CORO7: variants seen among roughly 807,000 people sequenced by gnomAD.
CORO7 encodes coronin 7.
In CORO7, 107 loss-of-function variants were observed where a neutral mutation model predicts 126.6. The ratio of observed to expected loss-of-function variants is 0.85; its 90% confidence interval spans 0.72 to 0.99. The LOEUF is 0.99. CORO7 is among the 50% of genes least tolerant of loss of function. The pLI, the probability that CORO7 is intolerant of heterozygous loss-of-function variation, is 0.00. For synonymous variants in CORO7, 603 were observed against 536.8 expected (o/e 1.12, Z -1.70); for missense variants, 1,314 against 1,255.8 (o/e 1.05, Z -0.70).
At chr16:4,388,868 AC>A (rs2055289277) in intron 7 of CORO7, among the ~76,000 whole-genome samples, 1 of 152,134 alleles carries the variant, frequency 6.6e-6, no homozygotes, top group African/African-American at 2.4e-5. Context: ...CCAGAGGCCA[AC>A]CTGGCTGCTC....
At chr16:4,371,891 C>T (rs1212082892) in intron 9 of CORO7, 1 of 152,120 alleles carries the variant, frequency 6.6e-6, no homozygotes, top group Non-Finnish European at 1.5e-5. Context: ...CGGACTCGAA[C>T]GCAGTTGCTT....
At chr16:4,360,883 TCTCCACACTGCTGGCC>T (rs2054154951) in intron 19 of CORO7, 44 bp downstream of exon 19, 3 of 340,074 alleles carry the variant, frequency 8.8e-6, no homozygotes, top group Non-Finnish European at 1.4e-5. Flanking sequence ...TGGCCCCACC[TCTCCACACTGCTGGCC>T]CCGCCTCTCC....
chr16:4,397,915 T>C (rs977939503), intron 6 of CORO7, among the ~76,000 whole-genome samples: 1 of 151,780 alleles, frequency 6.6e-6, no homozygotes, highest in Non-Finnish European at 1.5e-5. Flanking sequence ...GTGCCTAGCC[T>C]TTTTTGTTTG....
intron 9 of CORO7, among the ~76,000 whole-genome samples, chr16:4,376,299 G>A (rs931481576): frequency 3.9e-5 from 6 of 152,336 alleles, no homozygotes; most frequent in African/African-American, 1.2e-4. Flanking sequence ...CCTGGCCGCC[G>A]GCACAGTCCC....
At chr16:4,413,163 TG>T in intron 2 of CORO7, 144 bp downstream of exon 2, 1 of 766,564 alleles carries the variant, frequency 1.3e-6, no homozygotes, top group Non-Finnish European at 2.1e-6. Context: ...GTCTAAGGTC[TG>T]GCATGGGGCT....
intron 21 of CORO7, 101 bp downstream of exon 21, chr16:4,360,177 G>A (rs2054116744): frequency 2.7e-6 from 4 of 1,466,458 alleles, no homozygotes; most frequent in East Asian, 2.4e-5. Context: ...CCAGTGAGGG[G>A]CAGGAATGGT....
chr16:4,370,215 C>A (rs1216998671), intron 9 of CORO7, among the ~76,000 whole-genome samples: 2 of 152,178 alleles, frequency 1.3e-5, no homozygotes, highest in East Asian at 3.9e-4. Context: ...GGACACAGGG[C>A]CAAGGGAAGA....
intron 7 of CORO7, among the ~76,000 whole-genome samples, chr16:4,388,981 C>T (rs1378004145): frequency 1.3e-5 from 2 of 152,212 alleles, no homozygotes; most frequent in Non-Finnish European, 2.9e-5. Flanking sequence ...ACTTTCTTGC[C>T]CCTAAGAGCT....
At chr16:4,400,507 C>T (rs1338497322) in intron 6 of CORO7, among the ~76,000 whole-genome samples, 2 of 152,180 alleles carry the variant, frequency 1.3e-5, no homozygotes, top group East Asian at 1.9e-4. Context: ...GTGGCACATG[C>T]CTGTAATCCC....
chr16:4,403,908 G>T (rs2055902430), intron 6 of CORO7, among the ~76,000 whole-genome samples: 1 of 152,100 alleles, frequency 6.6e-6, no homozygotes, highest in Non-Finnish European at 1.5e-5. Flanking sequence ...ATCCCTCAAG[G>T]ACCGGCCTCG....
intron 1 of CORO7, 150 bp downstream of exon 1, chr16:4,416,309 C>T (rs1418630356): frequency 3.4e-6 from 4 of 1,175,398 alleles, no homozygotes; most frequent in East Asian, 3.2e-5. Context: ...GCCCGGACGC[C>T]GGGGCCCTGG....
intron 9 of CORO7, among the ~76,000 whole-genome samples, chr16:4,386,824 G>A (rs1224919688): frequency 1.3e-5 from 2 of 152,214 alleles, no homozygotes; most frequent in Admixed American, 1.3e-4. Context: ...CCCCTCCTCT[G>A]GGCGGCTCTC....
chr16:4,355,151 G>T lies in CORO7; in HGVS notation c.*7C>A. On this transcript the variant is annotated 3_prime_UTR_variant, in exon 28 of 28. Coordinates refer to ENST00000251166, the MANE Select transcript of CORO7 (RefSeq NM_024535.5). ...CACAGGTGAGGTGGAGGTGACGGGG[G>T]CGCAGGCTAGTCCTGGGGCGAAACA... The T allele has an allele frequency of 6.6e-7, 1 of 1,511,828 alleles. No homozygotes were observed. The highest frequency in any genetic ancestry group is 1.4e-5 in the African/African-American group (1 of 72,776). 93.7% of individuals were successfully genotyped at this position (1,511,828 alleles called of 1,614,324 possible).
chr16:4,368,632 CA>C (rs2054421227), intron 9 of CORO7, among the ~76,000 whole-genome samples: 1 of 151,564 alleles, frequency 6.6e-6, no homozygotes, highest in African/African-American at 2.4e-5. Flanking sequence ...CCTGGAATCC[CA>C]GCTACTCAGG....
chr16:4,380,888 G>A, intron 9 of CORO7: 2 of 1,535,550 alleles, frequency 1.3e-6, no homozygotes. Context: ...ATGTGCTCCA[G>A]GGTCCCTCTG....
At chr16:4,382,730 G>C (rs1299554326) in intron 9 of CORO7, 5 of 1,553,430 alleles carry the variant, frequency 3.2e-6, no homozygotes, top group Non-Finnish European at 4.3e-6. Context: ...GTGGGGCCAG[G>C]GGCTGGGCCC....
In CORO7 at chr16:4,360,312, C is replaced by A. The variant is rs779985527; in HGVS notation, c.2074G>T (p.Asp692Tyr). The change falls in exon 21 of 28, where the codon GAT becomes TAT. Residue 692 changes from aspartate (D) to tyrosine (Y), a missense_variant. Physicochemically the swap from Asp to Tyr is radical, Grantham distance 160. Coordinates refer to ENST00000251166, the MANE Select transcript of CORO7 (RefSeq NM_024535.5). ...CCAGACACCAGCAGACAGCGACCAT[C>A]ACATACCCAGACAATGCGAGCTCCG... is the stretch of plus-strand genomic sequence containing the variant. Reference protein sequence around the residue: ...GRGARIVWVCDGRCLLVSGFD... With the variant: ...GRGARIVWVCYGRCLLVSGFD... 6.2e-7 allele frequency: 1 copy of A among 1,613,696 alleles called. No individual in the cohort carries two copies. Among genetic ancestry groups the A allele is most frequent in the Non-Finnish European group, 8.5e-7 (1 of 1,180,000 alleles).
chr16:4,412,435 TAAAC>T lies in CORO7; in HGVS notation c.158-9_158-6del, dbSNP rs746478531. The stretch of plus-strand genomic sequence containing the variant: ...GAGGCACAATGCCCAGTACACCTGT[TAAAC>T]AAACACGGGGACTCTGACTTCAGGC... On this transcript the variant is annotated splice_region_variant and splice_polypyrimidine_tract_variant and intron_variant, in intron 2 of 27. Transcript: ENST00000251166. The T allele has an allele frequency of 6.2e-7, 1 of 1,614,128 alleles. No individual in the cohort carries two copies. The highest frequency in any genetic ancestry group is 1.1e-5 in the South Asian group (1 of 91,084).
At chr16:4,386,601 C>T (rs934694543) in intron 9 of CORO7, among the ~76,000 whole-genome samples, 1 of 152,196 alleles carries the variant, frequency 6.6e-6, no homozygotes, top group African/African-American at 2.4e-5. Flanking sequence ...GGGCGGGTCC[C>T]ACTGACTCCT....
Sources: gnomAD v4.1 joint callset for allele counts (sites outside exome capture counted in the v4.1 genomes callset) on GRCh38, gnomAD v4.1.1 for gene constraint, MANE v1.5 for transcripts, NCBI Gene and HGNC (gene_info 2026-07-23, HGNC 2026-07-21) for gene names.